Variants in TENM3 observed in about 807,000 individuals in gnomAD.
TENM3 encodes teneurin transmembrane protein 3, also known as teneurin-3.
TENM3 carries 63 observed loss-of-function variants against 255.1 expected under a neutral mutation model. The observed-to-expected ratio is 0.25, with a 90% CI of 0.20 to 0.30. The LOEUF (loss-of-function observed/expected upper bound fraction) is 0.30. Ranked by LOEUF, TENM3 falls within the 10% of genes least tolerant of loss-of-function variation. The pLI is 1.00. For missense variants in TENM3, 2,929 were observed against 3,461.1 expected (o/e 0.85, Z 3.86); for synonymous variants, 1,306 against 1,322.3 (o/e 0.99, Z 0.27).
chr4:182,361,075 T>G (rs566677096), intron 3 of TENM3, among the ~76,000 whole-genome samples: 37 of 152,344 alleles, frequency 2.4e-4, no homozygotes, highest in African/African-American at 8.4e-4. Flanking sequence ...CTTGTAGAGT[T>G]TCTGCCGAGA....
intron 3 of TENM3, among the ~76,000 whole-genome samples, chr4:182,437,784 C>G (rs1353952059): frequency 6.9e-6 from 1 of 143,992 alleles, no homozygotes; most frequent in South Asian, 2.4e-4. Context: ...GATGACAGAG[C>G]GAGACTCCGT....
At chr4:182,170,614 G>A (rs1191324445) in intron 1 of TENM3, among the ~76,000 whole-genome samples, 3 of 70,410 alleles carry the variant, frequency 4.3e-5, no homozygotes, top group Non-Finnish European at 1.1e-4. Flanking sequence ...TTAGTTGTAA[G>A]TCAGGTTTTG....
chr4:182,402,360 C>T (rs766823420), intron 3 of TENM3, among the ~76,000 whole-genome samples: 2 of 152,138 alleles, frequency 1.3e-5, no homozygotes, highest in South Asian at 2.1e-4. Flanking sequence ...TTTGTACAGT[C>T]GCTCCACATG....
At chr4:182,405,298 T>G (rs1769486614) in intron 3 of TENM3, among the ~76,000 whole-genome samples, 3 of 152,206 alleles carry the variant, frequency 2.0e-5, no homozygotes, top group African/African-American at 7.2e-5. Flanking sequence ...ACAGTAGATG[T>G]TGCGTAATTT....
At chr4:181,621,068 A>G in the TENM3 span, among the ~76,000 whole-genome samples, 1 of 152,220 alleles carries the variant, frequency 6.6e-6, no homozygotes, top group Non-Finnish European at 1.5e-5. Flanking sequence ...CAGAGGAGAT[A>G]GAAGGAATAG....
chr4:182,684,837 C>G (rs1358089945), intron 11 of TENM3, among the ~76,000 whole-genome samples: 1 of 152,162 alleles, frequency 6.6e-6, no homozygotes, highest in Non-Finnish European at 1.5e-5. Flanking sequence ...TTAGTACAAT[C>G]TAATGGCATA....
intron 5 of TENM3, among the ~76,000 whole-genome samples, chr4:182,650,889 A>AAAAATATATATATAT (rs1281790163): frequency 2.0e-4 from 6 of 29,758 alleles, no homozygotes; most frequent in Admixed American, 3.6e-4. Context: ...AATAAAAAAA[A>AAAAATATATATATAT]ATATATATAT....
intron 24 of TENM3, among the ~76,000 whole-genome samples, chr4:182,781,453 G>T (rs1313239059): frequency 2.3e-4 from 34 of 149,448 alleles, no homozygotes; most frequent in Non-Finnish European, 3.9e-4. Context: ...GCTGGATTCG[G>T]TTTGCCAGTA....
chr4:182,084,269 A>G, the TENM3 span, among the ~76,000 whole-genome samples: 2 of 152,182 alleles, frequency 1.3e-5, no homozygotes, highest in South Asian at 2.1e-4. Context: ...GGTCCCGTCC[A>G]ATCCTATTTC....
At chr4:181,476,725 G>A in the TENM3 span, among the ~76,000 whole-genome samples, 2 of 152,150 alleles carry the variant, frequency 1.3e-5, no homozygotes, top group Non-Finnish European at 2.9e-5. Context: ...TCATAAATAC[G>A]TTTCCAATGA....
At chr4:182,770,558 A>G (rs1764117057) in intron 22 of TENM3, among the ~76,000 whole-genome samples, 1 of 152,198 alleles carries the variant, frequency 6.6e-6, no homozygotes, top group African/African-American at 2.4e-5. Context: ...CACAGTTGCA[A>G]ATAAGCAGAG....
At chr4:181,448,796 G>T in the TENM3 span, among the ~76,000 whole-genome samples, 2 of 152,126 alleles carry the variant, frequency 1.3e-5, no homozygotes, top group African/African-American at 2.4e-5. Context: ...TATAAAGACT[G>T]CAGCTTCACG....
Position 182,793,152 on chromosome 4 carries a change from T to C in TENM3, c.6480T>C (p.His2160=). ...ACTACGATCTGAATGGAAACCTCCA[T>C]TTACTGAACCCAAGTAACAGTGCGC... ...RYNYDLNGNL[H]LLNPSNSARL... is the part of the protein sequence containing the mutation. Residue 2160 remains histidine (H), a synonymous_variant, in exon 26 of 28, where the codon CAT becomes CAC. Transcript: ENST00000511685. The surrounding 1 kb of genome is among the most constrained non-coding windows in gnomAD (Gnocchi z 5.7). 1.2e-6 allele frequency: 2 copies of C among 1,614,020 alleles called. No homozygotes were observed. Among genetic ancestry groups the C allele is most frequent in the South Asian group, 1.1e-5 (1 of 91,078 alleles).
At chr4:182,641,935 A>G (rs748569972) in intron 5 of TENM3, among the ~76,000 whole-genome samples, 15 of 152,248 alleles carry the variant, frequency 9.9e-5, no homozygotes, top group Non-Finnish European at 2.1e-4. Flanking sequence ...TTTCAATGGC[A>G]AAGCTGCAGG....
At chr4:181,621,548 G>C in the TENM3 span, among the ~76,000 whole-genome samples, 4 of 152,004 alleles carry the variant, frequency 2.6e-5, no homozygotes, top group Non-Finnish European at 5.9e-5. Flanking sequence ...GTGCTTTTAC[G>C]AATAGCCTCC....
the TENM3 span, among the ~76,000 whole-genome samples, chr4:181,784,503 A>G: frequency 6.6e-6 from 1 of 152,082 alleles, no homozygotes; most frequent in Non-Finnish European, 1.5e-5. Flanking sequence ...ACTGGTGAAT[A>G]GTTTTCAGGT....
At chr4:181,512,526 G>T in the TENM3 span, among the ~76,000 whole-genome samples, 1 of 152,242 alleles carries the variant, frequency 6.6e-6, no homozygotes, top group South Asian at 2.1e-4. Flanking sequence ...CTCAGCTCCA[G>T]TTTCCTCCTT....
chr4:181,953,740 T>C, the TENM3 span, among the ~76,000 whole-genome samples: 6 of 151,830 alleles, frequency 4.0e-5, no homozygotes, highest in African/African-American at 1.5e-4. Context: ...AAACCATGAG[T>C]GGAAATATAA....
the TENM3 span, among the ~76,000 whole-genome samples, chr4:182,100,628 C>T: frequency 0.087 from 3,041 of 34,926 alleles, 257 homozygotes; most frequent in East Asian, 0.14. Flanking sequence ...TATACACACA[C>T]ATATATACAC....
Sources: gnomAD v4.1 joint callset for allele counts (sites outside exome capture counted in the v4.1 genomes callset) on GRCh38, gnomAD v4.1.1 for gene constraint, Gnocchi (gnomAD v3.1) non-coding constraint, MANE v1.5 for transcripts, NCBI Gene and HGNC (gene_info 2026-07-23, HGNC 2026-07-21) for gene names.